TBC1D10A: variants seen among roughly 807,000 people sequenced by gnomAD.
TBC1D10A encodes TBC1 domain family member 10A.
Under a neutral mutation model 52.9 loss-of-function variants are expected in TBC1D10A, and 24 were observed. That is an observed-to-expected ratio of 0.45 (90% CI 0.33 to 0.64). The LOEUF (loss-of-function observed/expected upper bound fraction) is 0.64. Ranked by LOEUF, TBC1D10A falls within the 30% of genes least tolerant of loss-of-function variation. The pLI, the probability that TBC1D10A is intolerant of heterozygous loss-of-function variation, is 0.02. For missense variants in TBC1D10A, 602 were observed against 687.9 expected (o/e 0.88, Z 1.40); for synonymous variants, 278 against 282.9 (o/e 0.98, Z 0.17).
At chr22:30,301,847 G>A (rs1930207724) in intron 2 of TBC1D10A, among the ~76,000 whole-genome samples, 1 of 152,244 alleles carries the variant, frequency 6.6e-6, no homozygotes, top group South Asian at 2.1e-4. Flanking sequence ...CTAGAAAGGA[G>A]GCAGAGGAAG....
At chr22:30,294,889 G>GC (rs1479206104) in intron 5 of TBC1D10A, 28 bp from the exon 6 acceptor site, 1 of 1,614,100 alleles carries the variant, frequency 6.2e-7, no homozygotes, top group Non-Finnish European at 8.5e-7. Context: ...GTGAGGCCTT[G>GC]CCGTTGGGGG....
At chr22:30,301,236 G>A (rs1168927040) in intron 2 of TBC1D10A, among the ~76,000 whole-genome samples, 1 of 152,172 alleles carries the variant, frequency 6.6e-6, no homozygotes, top group Non-Finnish European at 1.5e-5. Context: ...CGTCAAGGTG[G>A]GCAAGGACAA....
At chr22:30,313,130 C>A (rs1164988338) in intron 1 of TBC1D10A, among the ~76,000 whole-genome samples, 1 of 152,088 alleles carries the variant, frequency 6.6e-6, no homozygotes, top group Non-Finnish European at 1.5e-5. Context: ...AGGCAAAACA[C>A]TCAGTATGTT....
rs546844033 is a variant in TBC1D10A at position 30,321,068 on chromosome 22, A to T, written c.209+5605T>A. Among the ~76,000 whole-genome samples, 266 of 152,310 alleles carry T rather than the reference A, an allele frequency of 1.7e-3. 4 individuals carry two copies. In the South Asian group the frequency reaches 0.025, roughly 14 times the overall value. On this transcript the variant is annotated intron_variant, in intron 1 of 8. Transcript: ENST00000215790. ...AACATCAAGTAGGTGCTACCATCTT[A>T]TCTCTTTCCCACAGCTTAGAGTTTC...
In TBC1D10A at chr22:30,297,816, G is replaced by C. The variant is rs1015208906; in HGVS notation, c.417+1628C>G. 6.6e-6 allele frequency: 1 copy of C among 152,190 alleles called. No homozygotes were observed. Among genetic ancestry groups the C allele is most frequent in the African/African-American group, 2.4e-5 (1 of 41,426 alleles). The allele number at this position is 152,190 out of a possible 1,614,324, so 9.4% of individuals were successfully genotyped here. A position where few individuals can be genotyped will look rare whatever the true frequency, so the allele number is the denominator to read the frequency against. On this transcript the variant is annotated intron_variant, in intron 3 of 8. Transcript: ENST00000215790. The surrounding 1 kb of genome is among the most constrained non-coding windows in gnomAD (Gnocchi z 4.3). Reference sequence around the variant, plus strand: ...AAACAGGTGCATGCTGCCATCACCAGACCCCCACTGTGCCCTGCCTCGGCA... The same window carrying C: ...AAACAGGTGCATGCTGCCATCACCACACCCCCACTGTGCCCTGCCTCGGCA...
chr22:30,293,205 T>G, intron 8 of TBC1D10A: 2 of 623,328 alleles, frequency 3.2e-6, no homozygotes, highest in Non-Finnish European at 6.1e-6. Flanking sequence ...TAGGCTCAAA[T>G]TCCAGCTCCA....
chr22:30,322,730 G>A (rs768842217), intron 1 of TBC1D10A, among the ~76,000 whole-genome samples: 3 of 149,246 alleles, frequency 2.0e-5, no homozygotes, highest in Non-Finnish European at 4.4e-5. Context: ...CAAGTGGCTA[G>A]GACTATAGGT....
intron 2 of TBC1D10A, among the ~76,000 whole-genome samples, chr22:30,300,257 G>A (rs1930174145): frequency 6.6e-6 from 1 of 151,806 alleles, no homozygotes; most frequent in Admixed American, 6.6e-5. Flanking sequence ...AGACCAGCCT[G>A]GCCAACATGG....
In TBC1D10A at chr22:30,326,683, C is replaced by T. The variant is rs1930783519; in HGVS notation, c.199G>A (p.Ala67Thr). Residue 67 changes from alanine (A) to threonine (T), a missense_variant, in exon 1 of 9, where the codon GCC (alanine) becomes ACC (threonine). Coordinates refer to ENST00000215790, the MANE Select transcript of TBC1D10A (RefSeq NM_031937.3). ...CCCGGCGCTACTCACGCGCCCTCGG[C>T]GCCCTGCGAGCCCACGATGAAGCCG... is the stretch of plus-strand genomic sequence containing the variant. ...KFGFIVGSQG[A>T]EGALEEVPLE... 2 of 1,550,974 alleles carry T rather than the reference C, an allele frequency of 1.3e-6. No homozygotes were observed. The highest frequency in any genetic ancestry group is 1.7e-6 in the Non-Finnish European group (2 of 1,148,444).
In TBC1D10A at chr22:30,312,481, C is replaced by T. The variant is rs182297667; in HGVS notation, c.210-7851G>A. On this transcript the variant is annotated intron_variant, in intron 1 of 8. Coordinates refer to ENST00000215790, the MANE Select transcript of TBC1D10A (RefSeq NM_031937.3). ...GAAGCTGCAGTGAACCATGATTGTG[C>T]CACTGCACCCTAGACTGGGCCACTG... 1.3e-3 allele frequency among the ~76,000 whole-genome samples: 197 copies of T among 152,334 alleles called. 1 individual carries two copies. The highest frequency in any genetic ancestry group is 4.5e-3 in the African/African-American group (187 of 41,582).
intron 8 of TBC1D10A, chr22:30,293,294 G>T (rs1342804015): frequency 3.3e-6 from 2 of 605,016 alleles, no homozygotes; most frequent in Admixed American, 4.3e-5. Flanking sequence ...GTAAAAGCTG[G>T]TCACGCATGT....
chr22:30,317,235 C>G (rs1361800596), intron 1 of TBC1D10A, among the ~76,000 whole-genome samples: 2 of 152,096 alleles, frequency 1.3e-5, no homozygotes, highest in South Asian at 4.1e-4. Flanking sequence ...TGGCAAAACC[C>G]TGTCTCTACT....
intron 1 of TBC1D10A, among the ~76,000 whole-genome samples, chr22:30,313,180 G>T (rs1334854083): frequency 2.6e-5 from 4 of 152,180 alleles, no homozygotes. Flanking sequence ...CTTGTTTGGG[G>T]AATGTGAGCA....
At chr22:30,324,985 G>T (rs1436115588) in intron 1 of TBC1D10A, among the ~76,000 whole-genome samples, 1 of 152,142 alleles carries the variant, frequency 6.6e-6, no homozygotes, top group Admixed American at 6.5e-5. Flanking sequence ...TCCTTCCAAG[G>T]TCCCATAAAT....
chr22:30,294,192 C>G lies in TBC1D10A; in HGVS notation c.706-82G>C, dbSNP rs1930023526. 6 of 1,493,242 alleles carry G rather than the reference C, an allele frequency of 4.0e-6. No homozygotes were observed. The South Asian group carries it at 7.2e-5, about 18-fold the overall frequency. The allele number at this position is 1,493,242 out of a possible 1,614,324, so 92.5% of individuals were successfully genotyped here. A position where few individuals can be genotyped will look rare whatever the true frequency, so the allele number is the denominator to read the frequency against. ...AGACTACACCCCAGCACCCAGCACC[C>G]AGCACCCAGCAGGCTCAGGCAGCTA... On this transcript the variant is annotated intron_variant, in intron 6 of 8. Coordinates refer to ENST00000215790, the MANE Select transcript of TBC1D10A (RefSeq NM_031937.3).
intron 1 of TBC1D10A, among the ~76,000 whole-genome samples, chr22:30,324,733 A>G (rs1012943786): frequency 1.3e-5 from 2 of 152,222 alleles, no homozygotes; most frequent in African/African-American, 4.8e-5. Context: ...CACGTATCAT[A>G]TACTCATTTA....
At chr22:30,299,347 T>A (rs1930151523) in intron 3 of TBC1D10A, 97 bp downstream of exon 3, 12 of 1,227,468 alleles carry the variant, frequency 9.8e-6, no homozygotes, top group Non-Finnish European at 1.3e-5. Flanking sequence ...GGACTGCTCA[T>A]CCTGTGAGGT....
intron 1 of TBC1D10A, among the ~76,000 whole-genome samples, chr22:30,318,157 C>T (rs543886005): frequency 1.1e-4 from 16 of 152,260 alleles, no homozygotes; most frequent in African/African-American, 3.9e-4. Context: ...GCCAAGGCAC[C>T]ACCTCTAAGA....
chr22:30,294,069 C>T lies in TBC1D10A; in HGVS notation c.747G>A (p.Leu249=), dbSNP rs752118635. ...TGTGGGCCACCGGCGACACCTTCTGCAACAGCGAGAAAAGGATCTCCCCGT... is the reference window on the plus strand; with the variant it reads ...TGTGGGCCACCGGCGACACCTTCTGTAACAGCGAGAAAAGGATCTCCCCGT... ...QLDGEILFSL[L]QKVSPVAHKH... is the part of the protein sequence containing the mutation. Residue 249 remains leucine (L), a synonymous_variant, in exon 7 of 9, where the codon TTG becomes TTA. Transcript: ENST00000215790. The T allele has an allele frequency of 3.5e-5, 57 of 1,613,984 alleles. No homozygotes were observed. The highest frequency in any genetic ancestry group is 4.8e-5 in the Non-Finnish European group (57 of 1,180,034).
Sources: allele counts gnomAD v4.1 joint callset (sites outside exome capture counted in the v4.1 genomes callset), GRCh38; gene constraint gnomAD v4.1.1; non-coding constraint Gnocchi (gnomAD v3.1); transcripts MANE v1.5; gene names NCBI Gene and HGNC (gene_info 2026-07-23, HGNC 2026-07-21).